TRRAP: variants seen among roughly 807,000 people sequenced by gnomAD.
TRRAP encodes the protein transformation/transcription domain-associated protein.
In TRRAP, 41 loss-of-function variants were observed where a neutral mutation model predicts 438.8. That is an observed-to-expected ratio of 0.09 (90% CI 0.07 to 0.12). The LOEUF (loss-of-function observed/expected upper bound fraction) is 0.12. Ranked by LOEUF, TRRAP falls within the 10% of genes least tolerant of loss-of-function variation. The pLI is 1.00. For missense variants in TRRAP, 3,122 were observed against 5,055.1 expected (o/e 0.62, Z 11.60); for synonymous variants, 1,994 against 1,962.9 (o/e 1.02, Z -0.42).
intron 46 of TRRAP, among the ~76,000 whole-genome samples, chr7:98,961,834 G>A (rs185798532): frequency 1.3e-4 from 20 of 152,258 alleles, no homozygotes; most frequent in African/African-American, 4.8e-4. Flanking sequence ...CAGGAGAATC[G>A]CTTGAACCCA....
intron 22 of TRRAP, among the ~76,000 whole-genome samples, chr7:98,926,243 G>C (rs1443338552): frequency 6.6e-6 from 1 of 152,044 alleles, no homozygotes; most frequent in Non-Finnish European, 1.5e-5. Flanking sequence ...GAATTTCCCA[G>C]AACTGATGAA....
intron 68 of TRRAP, among the ~76,000 whole-genome samples, chr7:99,004,644 T>C (rs1301066184): frequency 6.6e-6 from 1 of 152,216 alleles, no homozygotes; most frequent in Admixed American, 6.5e-5. Context: ...GCAGACCTTC[T>C]TCCGAGTCAC....
At chr7:98,918,581 T>C (rs900692462) in intron 20 of TRRAP, among the ~76,000 whole-genome samples, 26 of 152,236 alleles carry the variant, frequency 1.7e-4, no homozygotes, top group African/African-American at 6.3e-4. Context: ...TTATGGTTAC[T>C]ATACGGCCAC....
chr7:98,946,740 C>T (rs988463077), intron 33 of TRRAP, among the ~76,000 whole-genome samples: 1 of 152,208 alleles, frequency 6.6e-6, no homozygotes, highest in Non-Finnish European at 1.5e-5. Context: ...GCACACACCC[C>T]GAGCTTTCCC....
chr7:98,879,600 C>T (rs1479165356), intron 1 of TRRAP, among the ~76,000 whole-genome samples: 1 of 152,294 alleles, frequency 6.6e-6, no homozygotes. Context: ...ACCCCCATGC[C>T]TTGGGCCGAT....
rs887190059 is a variant in TRRAP at position 99,005,861 on chromosome 7, C to T, written c.10753+513C>T. On this transcript the variant is annotated intron_variant, in intron 69 of 72. Transcript: ENST00000456197. This position sits in a 1 kb window ranked among gnomAD's most constrained non-coding sequence, Gnocchi z 5.1. ...GCTGGGGCGTCTCAGTGGGTGCTGC[C>T]GGTTTTGCTTCTCCTCCCGGGAACC... 5.3e-5 allele frequency among the ~76,000 whole-genome samples: 8 copies of T among 152,106 alleles called. No individual in the cohort carries two copies. Among genetic ancestry groups the T allele is most frequent in the South Asian group, 2.1e-4 (1 of 4,808 alleles).
chr7:98,953,088 G>A, intron 39 of TRRAP, 79 bp from the exon 40 acceptor site: 4 of 1,198,944 alleles, frequency 3.3e-6, no homozygotes, highest in Non-Finnish European at 3.5e-6. Flanking sequence ...TGTTTTTAAG[G>A]CTTAAACCTG....
intron 45 of TRRAP, among the ~76,000 whole-genome samples, chr7:98,960,195 C>T (rs576327987): frequency 4.5e-4 from 68 of 152,094 alleles, no homozygotes; most frequent in Non-Finnish European, 4.3e-4. Context: ...TATCAAGTAC[C>T]ATGTAGCACT....
rs960877602 is a variant in TRRAP at position 98,983,484 on chromosome 7, A to C, written c.9022+25A>C. ...GGTAAACCGACCTGGTCCGGCATGC[A>C]TTCATCATGTAATTTTCCAGACGCC... On this transcript the variant is annotated intron_variant, in intron 60 of 72. Coordinates refer to ENST00000456197, the MANE Select transcript of TRRAP (RefSeq NM_001375524.1). 5 of 1,613,134 alleles carry C rather than the reference A, an allele frequency of 3.1e-6. No homozygotes were observed. In the East Asian group the frequency reaches 1.1e-4, roughly 36 times the overall value.
intron 31 of TRRAP, 91 bp from the exon 32 acceptor site, chr7:98,945,656 C>G (rs1022701541): frequency 7.6e-6 from 11 of 1,451,828 alleles, no homozygotes; most frequent in Non-Finnish European, 1.0e-5. Context: ...GTCTTGTTAA[C>G]CCCAATAACC....
At position 99,010,494 on chromosome 7, in the gene TRRAP, C is replaced by T. The variant is rs544104227; in HGVS notation, c.10939-558C>T. Among the ~76,000 whole-genome samples the T allele has an allele frequency of 1.2e-4, 18 of 152,274 alleles. No homozygotes were observed. In the South Asian group the frequency reaches 2.1e-3, roughly 18 times the overall value. On this transcript the variant is annotated intron_variant, in intron 70 of 72. Coordinates refer to ENST00000456197, the MANE Select transcript of TRRAP (RefSeq NM_001375524.1). ...GTAGGACTAAGCTGGGAAAAGACCCCGTAGATGGCCTGTACCAGATGGTCG... is the reference window on the plus strand; with the variant it reads ...GTAGGACTAAGCTGGGAAAAGACCCTGTAGATGGCCTGTACCAGATGGTCG...
chr7:98,915,974 CTG>C, intron 19 of TRRAP, 86 bp downstream of exon 19: 1 of 1,535,250 alleles, frequency 6.5e-7, no homozygotes, highest in African/African-American at 1.4e-5. Context: ...GTTTCATCCT[CTG>C]TAACTGGTGA....
intron 4 of TRRAP, 30 bp downstream of exon 4, chr7:98,890,475 A>G (rs1001564003): frequency 1.3e-6 from 2 of 1,500,732 alleles, no homozygotes; most frequent in Admixed American, 2.2e-5. Context: ...TGAGAAGACA[A>G]GGGTGCTGTG....
intron 20 of TRRAP, among the ~76,000 whole-genome samples, chr7:98,920,483 AAG>A (rs1491255993): frequency 2.6e-5 from 4 of 151,998 alleles, no homozygotes; most frequent in African/African-American, 7.2e-5. Flanking sequence ...AAAAAAAAAA[AAG>A]AAAAGAAAAT....
intron 53 of TRRAP, among the ~76,000 whole-genome samples, chr7:98,975,731 T>A (rs926394562): frequency 6.6e-6 from 1 of 152,252 alleles, no homozygotes; most frequent in Non-Finnish European, 1.5e-5. Flanking sequence ...TAATACCTGT[T>A]GGCAAATAGT....
Sources: gnomAD v4.1 joint callset for allele counts (sites outside exome capture counted in the v4.1 genomes callset) on GRCh38, gnomAD v4.1.1 for gene constraint, Gnocchi (gnomAD v3.1) non-coding constraint, MANE v1.5 for transcripts, NCBI Gene and HGNC (gene_info 2026-07-23, HGNC 2026-07-21) for gene names.